NMBR: variants seen among roughly 807,000 people sequenced by gnomAD.
The protein encoded by NMBR is neuromedin-B receptor.
In NMBR, 16 loss-of-function variants were observed where a neutral mutation model predicts 20.5. The observed-to-expected ratio is 0.78, with a 90% CI of 0.53 to 1.19. The LOEUF is 1.19. Ranked by LOEUF, NMBR falls within the 50% of genes most tolerant of loss-of-function variation. The probability of loss-of-function intolerance (pLI) is 0.00; values close to 1 mark genes in which losing one functional copy is unlikely to be tolerated. For synonymous variants in NMBR, 212 were observed against 196.6 expected (o/e 1.08, Z -0.65); for missense variants, 582 against 499.1 (o/e 1.17, Z -1.58).
chr6:142,090,014 C>T (rs549355915), intron 1 of NMBR, among the ~76,000 whole-genome samples: 1 of 152,040 alleles, frequency 6.6e-6, no homozygotes, highest in Non-Finnish European at 1.5e-5. Context: ...TTAATTCTAT[C>T]TATTAAGGCA....
chr6:142,119,742 A>C (rs1777912776), intron 1 of NMBR, among the ~76,000 whole-genome samples: 1 of 151,986 alleles, frequency 6.6e-6, no homozygotes, highest in African/African-American at 2.4e-5. Flanking sequence ...TGTATCCAAT[A>C]CAATAAAAAT....
At chr6:142,141,149 A>T (rs1778355170) in intron 1 of NMBR, among the ~76,000 whole-genome samples, 1 of 152,180 alleles carries the variant, frequency 6.6e-6, no homozygotes, top group Non-Finnish European at 1.5e-5. Context: ...TGTGTGTGTA[A>T]CATTCACCAA....
intron 1 of NMBR, among the ~76,000 whole-genome samples, chr6:142,129,797 AATGTTC>A (rs2114605554): frequency 6.6e-6 from 1 of 152,244 alleles, no homozygotes; most frequent in African/African-American, 2.4e-5. Flanking sequence ...GGACAGGATA[AATGTTC>A]TCCGAATCCT....
intron 1 of NMBR, among the ~76,000 whole-genome samples, chr6:142,139,590 C>T (rs938286306): frequency 1.3e-5 from 2 of 152,194 alleles, no homozygotes; most frequent in African/African-American, 4.8e-5. Flanking sequence ...CTTCAACTGA[C>T]AAGGTGGAAG....
intron 1 of NMBR, among the ~76,000 whole-genome samples, chr6:142,115,319 T>A (rs1305028657): frequency 6.6e-6 from 1 of 152,090 alleles, no homozygotes; most frequent in Non-Finnish European, 1.5e-5. Flanking sequence ...AAAGAGGATC[T>A]TTTTAGAACA....
chr6:142,125,527 A>T (rs1018664407), intron 1 of NMBR, among the ~76,000 whole-genome samples: 1 of 151,572 alleles, frequency 6.6e-6, no homozygotes, highest in Non-Finnish European at 1.5e-5. Flanking sequence ...ACAATTACTC[A>T]TGCTTTTATG....
At chr6:142,078,928 T>C (rs1562389964) in intron 2 of NMBR, 25 bp from the exon 3 acceptor site, 6 of 1,398,762 alleles carry the variant, frequency 4.3e-6, no homozygotes, top group Non-Finnish European at 5.7e-6. Flanking sequence ...CATCTCAAGT[T>C]ATTCCAGAAA....
rs1173411006 is a variant in NMBR at position 142,075,710 on chromosome 6, T to A, written c.1111A>T (p.Asn371Tyr). ...RMTSLKSNAKNMVTNSVLLNG... is the reference protein window; with the variant it reads ...RMTSLKSNAKYMVTNSVLLNG... ...AGTAAAACAGAATTGGTCACCATGT[T>A]CTTAGCATTGCTTTTCAGAGATGTC... The change falls in exon 4 of 4, where the codon AAC becomes TAC. Residue 371 changes from asparagine to tyrosine, a missense_variant. By Grantham distance (143) the Asn-to-Tyr change is moderately radical (BLOSUM62 -2). Transcript: ENST00000258042. 1 of 1,613,950 alleles carries A rather than the reference T, an allele frequency of 6.2e-7. No individual in the cohort carries two copies. The highest frequency in any genetic ancestry group is 2.2e-5 in the East Asian group (1 of 44,878).
chr6:142,139,268 G>T (rs541729493), intron 1 of NMBR, among the ~76,000 whole-genome samples: 1 of 152,056 alleles, frequency 6.6e-6, no homozygotes, highest in African/African-American at 2.4e-5. Flanking sequence ...ATAGATAAAC[G>T]CTTGGATTTA....
At chr6:142,115,842 A>G (rs1252376021) in intron 1 of NMBR, among the ~76,000 whole-genome samples, 3 of 152,174 alleles carry the variant, frequency 2.0e-5, no homozygotes, top group African/African-American at 7.2e-5. Context: ...TAAGAGTTCA[A>G]TCAAAGAATG....
intron 1 of NMBR, chr6:142,133,799 TC>T: frequency 7.2e-6 from 4 of 553,934 alleles, no homozygotes; most frequent in Non-Finnish European, 1.3e-5. Flanking sequence ...TTAAATGTCC[TC>T]CTTTAATGTT....
rs577566966 is a variant in NMBR, at chr6:142,094,494, T to C, written c.-663-5173A>G. On this transcript the variant is annotated intron_variant, in intron 1 of 3. Transcript: ENST00000258042. ...GGCATTATTTCTGAAGGCTCTGTAC[T>C]GTTCCATTGGTCTAGATCTCTGTTT... 1.8e-3 allele frequency among the ~76,000 whole-genome samples: 281 copies of C among 152,306 alleles called. 1 individual carries two copies. The highest frequency in any genetic ancestry group is 6.6e-3 in the African/African-American group (273 of 41,552).
At chr6:142,132,178 T>A (rs1167463314) in intron 1 of NMBR, among the ~76,000 whole-genome samples, 2 of 152,162 alleles carry the variant, frequency 1.3e-5, no homozygotes, top group Non-Finnish European at 2.9e-5. Context: ...AAGAAAGCAA[T>A]GACATTGTCT....
chr6:142,120,392 C>G (rs558379788), intron 1 of NMBR, among the ~76,000 whole-genome samples: 1 of 151,904 alleles, frequency 6.6e-6, no homozygotes, highest in African/African-American at 2.4e-5. Context: ...AATTGAAGAA[C>G]CAGAGATCAA....
chr6:142,075,700 G>C lies in NMBR; in HGVS notation c.1121C>G (p.Thr374Ser). 6.2e-7 allele frequency: 1 copy of C among 1,613,588 alleles called. No individual in the cohort carries two copies. The change falls in exon 4 of 4, where the codon ACC (threonine) becomes AGC (serine). Residue 374 changes from threonine (T) to serine (S), a missense_variant. Physicochemically the swap from Thr to Ser is moderately conservative, Grantham distance 58. Transcript: ENST00000258042. ...GTGCCCATTTAGTAAAACAGAATTG[G>C]TCACCATGTTCTTAGCATTGCTTTT... is the stretch of plus-strand genomic sequence containing the variant. ...SLKSNAKNMV[T>S]NSVLLNGHSM...
Position 142,075,907 on chromosome 6 carries a change from A to G in NMBR, c.914T>C (p.Val305Ala). 1 of 1,614,114 alleles carries G rather than the reference A, an allele frequency of 6.2e-7. No individual in the cohort carries two copies. The highest frequency in any genetic ancestry group is 8.5e-7 in the Non-Finnish European group (1 of 1,179,986). Residue 305 changes from valine (V) to alanine (A), a missense_variant, in exon 4 of 4, where the codon GTC (valine) becomes GCC (alanine). By Grantham distance (64) the Val-to-Ala change is moderately conservative. Transcript: ENST00000258042. ...EIDPSLGHMI[V>A]TLVARVLSFG... is the part of the protein sequence containing the mutation. ...ACTGAGAACCCGGGCAACTAAGGTG[A>G]CAATCATGTGGCCTAGAGATGGATC...
rs1777056600 is a variant in NMBR, at chr6:142,079,824, T to C, written c.423-921A>G. On this transcript the variant is annotated intron_variant, in intron 2 of 3. Transcript: ENST00000258042. Reference sequence around the variant, plus strand: ...CATAAAATTCTTTTCTCCTCCAACCTAAAATATTAATGGCAATATACTAGC... The same window carrying C: ...CATAAAATTCTTTTCTCCTCCAACCCAAAATATTAATGGCAATATACTAGC... 2.0e-5 allele frequency among the ~76,000 whole-genome samples: 3 copies of C among 152,240 alleles called. No individual in the cohort carries two copies. In the South Asian group the frequency reaches 6.2e-4, roughly 32 times the overall value.
chr6:142,097,048 T>C (rs1017964702), intron 1 of NMBR, among the ~76,000 whole-genome samples: 1 of 152,172 alleles, frequency 6.6e-6, no homozygotes, highest in Non-Finnish European at 1.5e-5. Context: ...CATCCCTTTA[T>C]TTTGAGCGTA....
At chr6:142,130,206 T>A (rs991706502) in intron 1 of NMBR, among the ~76,000 whole-genome samples, 1 of 152,128 alleles carries the variant, frequency 6.6e-6, no homozygotes, top group African/African-American at 2.4e-5. Context: ...CTTACCCATG[T>A]TTCAGCAATC....
Sources: gnomAD v4.1 joint callset for allele counts (sites outside exome capture counted in the v4.1 genomes callset) on GRCh38, gnomAD v4.1.1 for gene constraint, MANE v1.5 for transcripts, NCBI Gene and HGNC (gene_info 2026-07-23, HGNC 2026-07-21) for gene names.